Variants in LIPI observed in about 807,000 individuals in gnomAD.
The protein encoded by LIPI is lipase I.
Under a neutral mutation model 50.6 loss-of-function variants are expected in LIPI, and 59 were observed. That is an observed-to-expected ratio of 1.16 (90% CI 0.94 to 1.45). The LOEUF (loss-of-function observed/expected upper bound fraction) is 1.45, where lower values mean the gene tolerates loss of function less well. Among genes scored for constraint, LIPI ranks in the 40% most tolerant of loss-of-function variants. LIPI has a pLI of 0.00. For synonymous variants in LIPI, 203 were observed against 178.2 expected (o/e 1.14, Z -1.11); for missense variants, 586 against 536.3 (o/e 1.09, Z -0.92).
intron 7 of LIPI, among the ~76,000 whole-genome samples, chr21:14,158,983 A>G (rs994990452): frequency 6.6e-6 from 1 of 151,554 alleles, no homozygotes; most frequent in African/African-American, 2.4e-5. Context: ...AATAAATTAA[A>G]TTTGTAGTAA....
chr21:14,127,290 T>C (rs184299445), intron 9 of LIPI, among the ~76,000 whole-genome samples: 9 of 152,332 alleles, frequency 5.9e-5, no homozygotes, highest in African/African-American at 1.9e-4. Context: ...TGGACAGATC[T>C]AAATAGGAAA....
chr21:14,164,474 G>C (rs1488472358), intron 6 of LIPI, among the ~76,000 whole-genome samples: 2 of 152,118 alleles, frequency 1.3e-5, no homozygotes, highest in Non-Finnish European at 2.9e-5. Flanking sequence ...TCCTGCTTCA[G>C]CAGTTGGTTT....
At chr21:14,122,838 G>A (rs183328179) in intron 9 of LIPI, among the ~76,000 whole-genome samples, 145 of 152,296 alleles carry the variant, frequency 9.5e-4, no homozygotes, top group Admixed American at 2.9e-3. Flanking sequence ...TGTTTCATTG[G>A]TCATTATTAA....
chr21:14,133,095 T>G (rs551208067), intron 9 of LIPI, among the ~76,000 whole-genome samples: 2 of 152,234 alleles, frequency 1.3e-5, no homozygotes, highest in Admixed American at 1.3e-4. Context: ...AACTAATACA[T>G]ATCCTCATGA....
chr21:14,127,315 T>C (rs922904517), intron 9 of LIPI, among the ~76,000 whole-genome samples: 1 of 152,172 alleles, frequency 6.6e-6, no homozygotes, highest in African/African-American at 2.4e-5. Flanking sequence ...AATAGATGGT[T>C]TCAGCAATTA....
rs768230006 is a variant in LIPI, at chr21:14,165,393, T to C, written c.734-3A>G. 2 of 1,604,722 alleles carry C rather than the reference T, an allele frequency of 1.2e-6. No homozygotes were observed. Among genetic ancestry groups the C allele is most frequent in the Admixed American group, 3.3e-5 (2 of 59,706 alleles). On this transcript the variant is annotated splice_polypyrimidine_tract_variant and splice_region_variant and intron_variant, in intron 5 of 9. Transcript: ENST00000681601. ...GTTGCATTTAATGAATTGAATTCCT[T>C]AAGGGTTAAAAAAAAAACAAAGAAC...
At chr21:14,186,364 A>G (rs935432388) in intron 2 of LIPI, among the ~76,000 whole-genome samples, 3 of 152,190 alleles carry the variant, frequency 2.0e-5, no homozygotes, top group Admixed American at 6.5e-5. Context: ...ATAATAATCA[A>G]CATTACTAGG....
At chr21:14,179,226 A>G (rs1055345022) in intron 4 of LIPI, among the ~76,000 whole-genome samples, 1 of 152,054 alleles carries the variant, frequency 6.6e-6, no homozygotes, top group Non-Finnish European at 1.5e-5. Flanking sequence ...CTGAATAAAA[A>G]TGAGGATTAC....
intron 5 of LIPI, among the ~76,000 whole-genome samples, chr21:14,165,656 C>T (rs889583294): frequency 2.0e-5 from 3 of 148,836 alleles, no homozygotes; most frequent in South Asian, 2.2e-4. Context: ...GTTTCACAAG[C>T]TCTACACAGT....
chr21:14,206,939 A>G (rs1171099117), intron 1 of LIPI: 2 of 1,479,918 alleles, frequency 1.4e-6, no homozygotes, highest in African/African-American at 2.8e-5. Context: ...AGACCCTATC[A>G]GAAGTTCACT....
intron 9 of LIPI, among the ~76,000 whole-genome samples, chr21:14,136,782 C>T (rs1232231134): frequency 2.6e-5 from 4 of 152,150 alleles, no homozygotes; most frequent in Non-Finnish European, 5.9e-5. Flanking sequence ...GCTGTACTGG[C>T]TTCAGGTCTG....
intron 4 of LIPI, among the ~76,000 whole-genome samples, chr21:14,175,374 T>A (rs1015607720): frequency 2.6e-5 from 4 of 152,210 alleles, no homozygotes; most frequent in Non-Finnish European, 4.4e-5. Flanking sequence ...ACTTTTTATA[T>A]GTTTATTGCC....
rs368860219 is a variant in LIPI at position 14,152,656 on chromosome 21, A to G, written c.1035T>C (p.Val345=). The change falls in exon 8 of 10, where the codon GTT becomes GTC. Residue 345 remains valine (V), a synonymous_variant. Transcript: ENST00000681601. The part of the protein sequence containing the change: ...CTYYFVLSII[V]PDKTMMDGSF... The stretch of plus-strand genomic sequence containing the variant: ...AGCCATCCATCATAGTTTTATCTGG[A>G]ACAATTATACTGAGAACAAAATAAT... 3.3e-6 allele frequency: 5 copies of G among 1,529,192 alleles called. No individual in the cohort carries two copies. In the African/African-American group the frequency reaches 6.8e-5, roughly 21 times the overall value. 94.7% of individuals were successfully genotyped at this position (1,529,192 alleles called of 1,614,324 possible).
At chr21:14,136,326 A>C (rs2017497799) in intron 9 of LIPI, among the ~76,000 whole-genome samples, 1 of 152,114 alleles carries the variant, frequency 6.6e-6, no homozygotes, top group Non-Finnish European at 1.5e-5. Context: ...CCTGATCCAG[A>C]GGGAGCCCAC....
intron 1 of LIPI, among the ~76,000 whole-genome samples, chr21:14,194,550 G>A (rs548356039): frequency 6.6e-6 from 1 of 152,102 alleles, no homozygotes; most frequent in East Asian, 1.9e-4. Flanking sequence ...GACATAAAAG[G>A]ACAAATACCA....
At position 14,165,216 on chromosome 21, in the gene LIPI, C is replaced by G. The variant is rs551950541; in HGVS notation, c.901+7G>C. 2.4e-5 allele frequency: 38 copies of G among 1,590,622 alleles called. No homozygotes were observed. The African/African-American group carries it at 4.7e-4, about 20-fold the overall frequency. On this transcript the variant is annotated splice_region_variant and intron_variant, in intron 6 of 9. Transcript: ENST00000681601. ...AGAATGATAGTAACTATAATAATCT[C>G]TCTTACCCAGCCGAGGACATGATTT...
At chr21:14,146,455 T>C (rs2017907363) in intron 8 of LIPI, among the ~76,000 whole-genome samples, 1 of 152,208 alleles carries the variant, frequency 6.6e-6, no homozygotes, top group African/African-American at 2.4e-5. Flanking sequence ...CTCTGAAATA[T>C]CAAAACTGAT....
intron 8 of LIPI, among the ~76,000 whole-genome samples, chr21:14,145,261 C>T (rs1039328043): frequency 2.6e-5 from 4 of 152,154 alleles, no homozygotes; most frequent in Non-Finnish European, 4.4e-5. Flanking sequence ...GTACAATTTT[C>T]TGTGCATTTA....
At chr21:14,185,752 GGGCACCT>G (rs1424869982) in intron 3 of LIPI, among the ~76,000 whole-genome samples, 2 of 151,852 alleles carry the variant, frequency 1.3e-5, no homozygotes, top group Admixed American at 6.6e-5. Context: ...GGTAGTGAGT[GGGCACCT>G]GTAATCCCAG....
Sources: gnomAD v4.1 joint callset for allele counts (sites outside exome capture counted in the v4.1 genomes callset) on GRCh38, gnomAD v4.1.1 for gene constraint, MANE v1.5 for transcripts, NCBI Gene and HGNC (gene_info 2026-07-23, HGNC 2026-07-21) for gene names.